The following GMDS variants were observed in gnomAD, a reference collection of about 807,000 sequenced individuals.
GMDS encodes the protein GDP-mannose 4,6 dehydratase.
A neutral mutation model predicts 49.9 loss-of-function variants in GMDS; 20 were observed. The ratio of observed to expected loss-of-function variants is 0.40; its 90% CI spans 0.28 to 0.58. GMDS has a LOEUF of 0.58. Among genes scored for constraint, GMDS ranks in the 20% least tolerant of loss-of-function variants. The pLI, the probability that GMDS is intolerant of heterozygous loss-of-function variation, is 0.42. For missense variants in GMDS, 362 were observed against 481.4 expected (o/e 0.75, Z 2.32); for synonymous variants, 177 against 178.6 (o/e 0.99, Z 0.07).
intron 4 of GMDS, among the ~76,000 whole-genome samples, chr6:2,081,207 A>G (rs936179647): frequency 1.3e-5 from 2 of 151,084 alleles, no homozygotes; most frequent in African/African-American, 4.9e-5. Flanking sequence ...TCTGTGGTGG[A>G]AAAAAAAACA....
chr6:1,794,656 G>C (rs940513230), intron 7 of GMDS, among the ~76,000 whole-genome samples: 1 of 152,136 alleles, frequency 6.6e-6, no homozygotes, highest in Non-Finnish European at 1.5e-5. Context: ...CTCAACTCTG[G>C]ATATTAACAA....
At chr6:1,697,663 C>T (rs546480875) in intron 9 of GMDS, among the ~76,000 whole-genome samples, 7 of 152,274 alleles carry the variant, frequency 4.6e-5, no homozygotes, top group Non-Finnish European at 8.8e-5. Context: ...GCACACCTCA[C>T]GAGTCAGAAA....
At chr6:1,859,717 T>A (rs1477256280) in intron 7 of GMDS, among the ~76,000 whole-genome samples, 1 of 152,176 alleles carries the variant, frequency 6.6e-6, no homozygotes, top group Admixed American at 6.5e-5. Context: ...ACTGAGTGAA[T>A]GACTGAGGGG....
In GMDS at chr6:2,191,232, C is replaced by T. The variant is rs966712326; in HGVS notation, c.102+54089G>A. ...GGCCTGACACTCCCGACCCGCTATC[C>T]GCTCCTGGAGGCACCCCCTGGGGAA... On this transcript the variant is annotated intron_variant, in intron 1 of 10. Transcript: ENST00000380815. The surrounding 1 kb of genome is among the most constrained non-coding windows in gnomAD (Gnocchi z 4.6). 5.3e-5 allele frequency among the ~76,000 whole-genome samples: 8 copies of T among 152,178 alleles called. No homozygotes were observed. Among genetic ancestry groups the T allele is most frequent in the Non-Finnish European group, 7.4e-5 (5 of 67,992 alleles).
rs114494233 is a variant in GMDS at position 1,809,849 on chromosome 6, A to G, written c.772-67263T>C. Among the ~76,000 whole-genome samples, 639 of 152,276 alleles carry G rather than the reference A, an allele frequency of 4.2e-3. 2 individuals are homozygous for G. The highest frequency in any genetic ancestry group is 0.015 in the African/African-American group (614 of 41,556). On this transcript the variant is annotated intron_variant, in intron 7 of 10. Coordinates refer to ENST00000380815, the MANE Select transcript of GMDS (RefSeq NM_001500.4). ...AACCACGCATGGAATATTTACGGTAACCGGAGGGTGATACGTTACAATACA... is the reference window on the plus strand; with the variant it reads ...AACCACGCATGGAATATTTACGGTAGCCGGAGGGTGATACGTTACAATACA...
intron 4 of GMDS, among the ~76,000 whole-genome samples, chr6:2,108,340 T>TA (rs1302393944): frequency 6.6e-6 from 1 of 152,178 alleles, no homozygotes; most frequent in Non-Finnish European, 1.5e-5. Context: ...GAAGCTAACT[T>TA]ACAAACCACC....
At chr6:1,826,107 T>C (rs1771100788) in intron 7 of GMDS, among the ~76,000 whole-genome samples, 1 of 152,110 alleles carries the variant, frequency 6.6e-6, no homozygotes. Context: ...GGTGAGTGAG[T>C]GAGTGAGAGG....
intron 7 of GMDS, among the ~76,000 whole-genome samples, chr6:1,921,977 G>C (rs1035747880): frequency 6.6e-5 from 10 of 152,184 alleles, no homozygotes; most frequent in African/African-American, 2.2e-4. Context: ...CACATTCAGT[G>C]AGGAGGCCAC....
At chr6:2,117,664 AATT>A in intron 2 of GMDS, 108 bp from the exon 3 acceptor site, 1 of 695,726 alleles carries the variant, frequency 1.4e-6, no homozygotes, top group Non-Finnish European at 2.6e-6. Flanking sequence ...CATTATTTTA[AATT>A]ATTAGAAATA....
At chr6:1,726,974 A>G (rs1766614485) in intron 8 of GMDS, among the ~76,000 whole-genome samples, 1 of 151,410 alleles carries the variant, frequency 6.6e-6, no homozygotes. Context: ...AACACATTCC[A>G]TTTGGGAATA....
At chr6:2,076,973 T>C (rs1224140136) in intron 4 of GMDS, among the ~76,000 whole-genome samples, 2 of 152,184 alleles carry the variant, frequency 1.3e-5, no homozygotes, top group East Asian at 3.8e-4. Flanking sequence ...TTCTATTTCG[T>C]TCATCCATCT....
In GMDS at chr6:1,766,846, G is replaced by A. The variant is rs1198196507; in HGVS notation, c.772-24260C>T. ...TGAAACACTGACTGGACTAAACAAA[G>A]CCTGGCAATGGGCCAGATCTGGTCA... On this transcript the variant is annotated intron_variant, in intron 7 of 10. Coordinates refer to ENST00000380815, the MANE Select transcript of GMDS (RefSeq NM_001500.4). The surrounding 1 kb of genome is among the most constrained non-coding windows in gnomAD (Gnocchi z 4.5). Among the ~76,000 whole-genome samples, 2 of 152,206 alleles carry A rather than the reference G, an allele frequency of 1.3e-5. No homozygotes were observed. The highest frequency in any genetic ancestry group is 1.5e-5 in the Non-Finnish European group (1 of 68,046).
At chr6:2,062,712 T>G (rs745608588) in intron 4 of GMDS, among the ~76,000 whole-genome samples, 6 of 152,238 alleles carry the variant, frequency 3.9e-5, no homozygotes, top group South Asian at 2.1e-4. Context: ...GTCAATGCCT[T>G]GATTTTATCT....
intron 7 of GMDS, among the ~76,000 whole-genome samples, chr6:1,921,295 C>G (rs763764929): frequency 6.6e-6 from 1 of 152,176 alleles, no homozygotes; most frequent in Non-Finnish European, 1.5e-5. Flanking sequence ...TGCACCCAGT[C>G]TCATGTTTCT....
intron 9 of GMDS, among the ~76,000 whole-genome samples, chr6:1,719,984 G>A (rs1002684490): frequency 2.6e-5 from 4 of 152,128 alleles, no homozygotes; most frequent in Non-Finnish European, 5.9e-5. Flanking sequence ...AATTCCTCAC[G>A]GGTGCAAGTA....
At chr6:1,692,818 T>C (rs530700366) in intron 9 of GMDS, among the ~76,000 whole-genome samples, 5 of 152,374 alleles carry the variant, frequency 3.3e-5, no homozygotes, top group Admixed American at 3.3e-4. Context: ...TAGTTTAACA[T>C]CTCTACTGCT....
At chr6:1,810,327 T>G (rs1770364543) in intron 7 of GMDS, among the ~76,000 whole-genome samples, 1 of 152,046 alleles carries the variant, frequency 6.6e-6, no homozygotes, top group African/African-American at 2.4e-5. Context: ...GGAGTCTTGC[T>G]CCGTCACCCA....
At chr6:2,029,874 T>C (rs1768841634) in intron 4 of GMDS, among the ~76,000 whole-genome samples, 1 of 152,174 alleles carries the variant, frequency 6.6e-6, no homozygotes, top group Non-Finnish European at 1.5e-5. Flanking sequence ...TTGTGTCATT[T>C]TGAATTATAT....
intron 4 of GMDS, among the ~76,000 whole-genome samples, chr6:2,060,006 A>G (rs2127446423): frequency 6.6e-6 from 1 of 152,206 alleles, no homozygotes; most frequent in South Asian, 2.1e-4. Flanking sequence ...CCACATTTTC[A>G]AAATTAAAAA....
Sources: allele counts gnomAD v4.1 joint callset (sites outside exome capture counted in the v4.1 genomes callset), GRCh38; gene constraint gnomAD v4.1.1; non-coding constraint Gnocchi (gnomAD v3.1); transcripts MANE v1.5; gene names NCBI Gene and HGNC (gene_info 2026-07-23, HGNC 2026-07-21).